CEP72: variants seen among roughly 807,000 people sequenced by gnomAD.
CEP72 encodes the protein centrosomal protein of 72 kDa.
A neutral mutation model predicts 65.7 loss-of-function variants in CEP72; 78 were observed. That is an observed-to-expected ratio of 1.19 (90% CI 0.99 to 1.43). The LOEUF is 1.43. Ranked by LOEUF, CEP72 falls within the 40% of genes most tolerant of loss-of-function variation. The pLI, the probability that CEP72 is intolerant of heterozygous loss-of-function variation, is 0.00. For missense variants in CEP72, 914 were observed against 832.9 expected (o/e 1.10, Z -1.20); for synonymous variants, 358 against 351.7 (o/e 1.02, Z -0.20).
At chr5:656,431 T>C (rs1487791590), downstream of CEP72, among the ~76,000 whole-genome samples, 1 of 152,248 alleles carries the variant, frequency 6.6e-6, no homozygotes, top group Non-Finnish European at 1.5e-5. Flanking sequence ...TATCTGTCTC[T>C]CCAAATGTTA....
intron 4 of CEP72, among the ~76,000 whole-genome samples, chr5:666,566 C>T (rs1356966286): frequency 2.6e-5 from 4 of 152,212 alleles, no homozygotes; most frequent in African/African-American, 7.2e-5. Flanking sequence ...GAGGGGCTGC[C>T]GCCCCCGGAC....
intron 4 of CEP72, among the ~76,000 whole-genome samples, chr5:633,194 CG>C (rs1737325671): frequency 1.1e-5 from 1 of 90,200 alleles, no homozygotes; most frequent in African/African-American, 6.0e-5. Flanking sequence ...TGTCCAGTGC[CG>C]GGATTTAGAC....
chr5:636,516 C>T (rs765165916), intron 6 of CEP72, among the ~76,000 whole-genome samples: 20 of 152,194 alleles, frequency 1.3e-4, no homozygotes, highest in Non-Finnish European at 1.8e-4. Flanking sequence ...CAGAAAACCT[C>T]CTGCCGTGAG....
chr5:671,236 G>A (rs1398792418), downstream of CEP72, among the ~76,000 whole-genome samples: 3 of 145,326 alleles, frequency 2.1e-5, no homozygotes, highest in Non-Finnish European at 3.0e-5. Context: ...CGGCCTTTTC[G>A]TTTTCCTGGG....
chr5:640,268 G>A (rs947482277), intron 8 of CEP72, 140 bp from the exon 9 acceptor site: 13 of 1,152,050 alleles, frequency 1.1e-5, no homozygotes, highest in Admixed American at 1.1e-4. Flanking sequence ...GTTTTGTGGC[G>A]CCAACACCCC....
downstream of CEP72, among the ~76,000 whole-genome samples, chr5:658,972 C>G (rs892361970): frequency 2.0e-5 from 3 of 152,178 alleles, no homozygotes; most frequent in Admixed American, 1.3e-4. Flanking sequence ...CCGGCCTCAG[C>G]GAAGCTGATT....
At chr5:665,821 C>T in intron 3 of CEP72, 5 of 910,168 alleles carry the variant, frequency 5.5e-6, no homozygotes, top group Non-Finnish European at 8.0e-6. Flanking sequence ...CACCAGGCCA[C>T]GCCCTCCTGA....
intron 7 of CEP72, among the ~76,000 whole-genome samples, chr5:638,335 A>G (rs1737762099): frequency 6.6e-6 from 1 of 152,058 alleles, no homozygotes; most frequent in African/African-American, 2.4e-5. Flanking sequence ...GGTGACCTAG[A>G]GGTCAGGGGG....
At chr5:615,603 G>T (rs559015242) in intron 1 of CEP72, among the ~76,000 whole-genome samples, 1 of 152,100 alleles carries the variant, frequency 6.6e-6, no homozygotes, top group Non-Finnish European at 1.5e-5. Flanking sequence ...TAGTTTCCTG[G>T]TTCATTATTT....
intron 2 of CEP72, 90 bp downstream of exon 2, chr5:619,207 C>T: frequency 8.0e-7 from 1 of 1,249,946 alleles, no homozygotes; most frequent in Non-Finnish European, 1.2e-6. Flanking sequence ...TTTTGTAACC[C>T]TCTGCTTACA....
chr5:616,729 G>T (rs1317593623), intron 1 of CEP72, among the ~76,000 whole-genome samples: 1 of 152,084 alleles, frequency 6.6e-6, no homozygotes, highest in Admixed American at 6.5e-5. Flanking sequence ...AGCCAGGCCG[G>T]GACAGCAGTC....
chr5:668,954 C>A (rs770677678), downstream of CEP72, among the ~76,000 whole-genome samples: 1 of 152,208 alleles, frequency 6.6e-6, no homozygotes, highest in Non-Finnish European at 1.5e-5. Flanking sequence ...AAGGCGGATG[C>A]TGTGTTTAAA....
In CEP72 at chr5:653,393, A is replaced by T; in HGVS notation, c.*240A>T. The T allele has an allele frequency of 2.6e-6, 1 of 385,188 alleles. No individual in the cohort carries two copies. The highest frequency in any genetic ancestry group is 8.1e-5 in the South Asian group (1 of 12,348). The allele number at this position is 385,188 out of a possible 1,614,324, so 23.9% of individuals were successfully genotyped here. The stretch of plus-strand genomic sequence containing the variant: ...AGACAGAACACATTGACATATTTTG[A>T]GACAAACTGACTATTAATCTTGTAT... On this transcript the variant is annotated 3_prime_UTR_variant, in exon 12 of 12. Transcript: ENST00000264935.
rs927834557 is a variant in CEP72, at chr5:653,414, T to G, written c.*261T>G. The G allele has an allele frequency of 5.9e-6, 2 of 341,844 alleles. No homozygotes were observed. The highest frequency in any genetic ancestry group is 4.2e-5 in the African/African-American group (2 of 47,540). 21.2% of individuals were successfully genotyped at this position (341,844 alleles called of 1,614,324 possible). A position where few individuals can be genotyped will look rare whatever the true frequency, so the allele number is the denominator to read the frequency against. ...TTTGAGACAAACTGACTATTAATCT[T>G]GTATCCAGTATCCTGAGATGAAGTA... On this transcript the variant is annotated 3_prime_UTR_variant, in exon 12 of 12. Transcript: ENST00000264935.
intron 10 of CEP72, 77 bp downstream of exon 10, chr5:644,502 C>G (rs543098105): frequency 6.6e-7 from 1 of 1,508,062 alleles, no homozygotes. Flanking sequence ...GTTTTAAATT[C>G]TTCACTGAGG....
At chr5:661,423 C>G (rs1248169123), downstream of CEP72, 1 of 152,462 alleles carries the variant, frequency 6.6e-6, no homozygotes, top group African/African-American at 2.4e-5. Flanking sequence ...CCTGGTGTCA[C>G]CCCCGACAGA....
intron 4 of CEP72, among the ~76,000 whole-genome samples, chr5:629,061 G>A (rs1053051397): frequency 1.3e-5 from 2 of 152,220 alleles, no homozygotes; most frequent in Non-Finnish European, 2.9e-5. Flanking sequence ...GGTGGACCAG[G>A]TGTCGTATCA....
At chr5:641,548 G>T (rs1378184785) in intron 9 of CEP72, 47 of 985,166 alleles carry the variant, frequency 4.8e-5, no homozygotes, top group Non-Finnish European at 5.5e-5. Flanking sequence ...AAACAACACA[G>T]GCAGCCTCTG....
chr5:659,187 G>T (rs1031020746), downstream of CEP72, among the ~76,000 whole-genome samples: 8 of 152,258 alleles, frequency 5.3e-5, no homozygotes, highest in African/African-American at 1.4e-4. Context: ...CCACCTCTGG[G>T]GTTGGTTCCT....
Sources: gnomAD v4.1 joint callset for allele counts (sites outside exome capture counted in the v4.1 genomes callset) on GRCh38, gnomAD v4.1.1 for gene constraint, MANE v1.5 for transcripts, NCBI Gene and HGNC (gene_info 2026-07-23, HGNC 2026-07-21) for gene names.